ATP6V1E1: variants seen among roughly 807,000 people sequenced by gnomAD.
ATP6V1E1 encodes the protein V-type proton ATPase subunit E 1.
Under a neutral mutation model 35.2 loss-of-function variants are expected in ATP6V1E1, and 21 were observed. That is an observed-to-expected ratio of 0.60 (90% CI 0.42 to 0.86). ATP6V1E1 has a LOEUF of 0.86. Ranked by LOEUF, ATP6V1E1 falls within the 40% of genes least tolerant of loss-of-function variation. The probability of loss-of-function intolerance (pLI) is 0.00; values close to 1 mark genes in which losing one functional copy is unlikely to be tolerated. For missense variants in ATP6V1E1, 183 were observed against 272.6 expected, an observed-to-expected ratio of 0.67 and a Z score of 2.32; for synonymous variants, 83 against 87.8, an observed-to-expected ratio of 0.95 and a Z score of 0.30.
chr22:17,627,521 A>AT (rs1250349483), intron 1 of ATP6V1E1, among the ~76,000 whole-genome samples: 1 of 151,838 alleles, frequency 6.6e-6, no homozygotes, highest in Non-Finnish European at 1.5e-5. Context: ...CAAAATGAAG[A>AT]TTAACAGTAC....
At chr22:17,605,528 CTCAAAAAGAAAAA>C (rs1393378769) in intron 4 of ATP6V1E1, among the ~76,000 whole-genome samples, 1 of 151,912 alleles carries the variant, frequency 6.6e-6, no homozygotes, top group African/African-American at 2.4e-5. Context: ...GAAACTCCGT[CTCAAAAAGAAAAA>C]GAAAAAAGAA....
At chr22:17,617,507 T>A (rs2057852719) in intron 2 of ATP6V1E1, among the ~76,000 whole-genome samples, 3 of 152,118 alleles carry the variant, frequency 2.0e-5, no homozygotes, top group African/African-American at 7.2e-5. Flanking sequence ...TTGGCCAGGC[T>A]GGTCTTGAAC....
chr22:17,618,869 GC>G (rs1253083113), intron 2 of ATP6V1E1, among the ~76,000 whole-genome samples: 5 of 151,776 alleles, frequency 3.3e-5, no homozygotes, highest in Non-Finnish European at 7.4e-5. Flanking sequence ...GTGTGACGGT[GC>G]CTGCCTGTAG....
At chr22:17,621,361 G>A (rs560570593) in intron 1 of ATP6V1E1, among the ~76,000 whole-genome samples, 1 of 152,244 alleles carries the variant, frequency 6.6e-6, no homozygotes, top group Admixed American at 6.5e-5. Flanking sequence ...CCAGGCTAGA[G>A]TGCAATGGCA....
intron 2 of ATP6V1E1, 146 bp from the exon 3 acceptor site, chr22:17,613,466 A>G: frequency 1.4e-6 from 1 of 694,556 alleles, no homozygotes; most frequent in Non-Finnish European, 2.4e-6. Flanking sequence ...CAAGGATTCT[A>G]ATTTATTCAA....
intron 4 of ATP6V1E1, among the ~76,000 whole-genome samples, chr22:17,611,900 C>A (rs1293989131): frequency 6.6e-6 from 1 of 152,036 alleles, no homozygotes; most frequent in Non-Finnish European, 1.5e-5. Flanking sequence ...TTTTCAAGTT[C>A]TATATTTTTA....
In ATP6V1E1 at chr22:17,624,085, T is replaced by G. The variant is rs147800341; in HGVS notation, c.33+4518A>C. Among the ~76,000 whole-genome samples, 720 of 152,282 alleles carry G rather than the reference T, an allele frequency of 4.7e-3. 18 individuals carry two copies. Among genetic ancestry groups the G allele is most frequent in the Admixed American group, 0.042 (647 of 15,278 alleles). On this transcript the variant is annotated intron_variant, in intron 1 of 8. Coordinates refer to ENST00000253413, the MANE Select transcript of ATP6V1E1 (RefSeq NM_001696.4). ...GAAAAAAGCAAATATACACAAATAT[T>G]TTCATGCAATGGAGAAGTCAGAAAA...
At chr22:17,601,056 G>A in intron 5 of ATP6V1E1, 36 bp downstream of exon 5, 2 of 1,560,370 alleles carry the variant, frequency 1.3e-6, no homozygotes, top group Non-Finnish European at 1.8e-6. Flanking sequence ...TCTCAGAACT[G>A]TGGCTATCAA....
intron 4 of ATP6V1E1, among the ~76,000 whole-genome samples, chr22:17,610,984 T>C (rs1399464113): frequency 6.6e-6 from 1 of 152,132 alleles, no homozygotes; most frequent in Non-Finnish European, 1.5e-5. Flanking sequence ...ATACATAACA[T>C]AGATAATGAA....
chr22:17,596,207 A>C (rs2146294981), intron 7 of ATP6V1E1, among the ~76,000 whole-genome samples: 1 of 152,326 alleles, frequency 6.6e-6, no homozygotes, highest in East Asian at 1.9e-4. Context: ...AGATAAGGGA[A>C]TCAGGGCTCA....
intron 2 of ATP6V1E1, chr22:17,619,180 T>G: frequency 2.2e-6 from 1 of 464,850 alleles, no homozygotes; most frequent in Non-Finnish European, 4.0e-6. Flanking sequence ...TAATCTCAGC[T>G]ACTCGGGAGG....
Position 17,605,214 on chromosome 22 carries a change from AAAAAAAAAAG to A in ATP6V1E1, c.277-4043_277-4034del, listed in dbSNP as rs1208349442. ...GAGTGAGACTTCATCTCAAAAAAAA[AAAAAAAAAAG>A]AAAAGAAAAGAAAAGAAAACTTATG... On this transcript the variant is annotated intron_variant, in intron 4 of 8. Coordinates refer to ENST00000253413, the MANE Select transcript of ATP6V1E1 (RefSeq NM_001696.4). Among the ~76,000 whole-genome samples the A allele has an allele frequency of 3.2e-4, 47 of 148,076 alleles. 2 individuals are homozygous for A. The highest frequency in any genetic ancestry group is 1.1e-3 in the African/African-American group (45 of 39,860).
chr22:17,619,147 C>G (rs759245730), intron 2 of ATP6V1E1: 3 of 446,954 alleles, frequency 6.7e-6, no homozygotes, highest in South Asian at 5.3e-5. Flanking sequence ...CAAATATTAG[C>G]TGGGTTTGGT....
chr22:17,628,357 A>T (rs2057934860), intron 1 of ATP6V1E1, among the ~76,000 whole-genome samples: 1 of 152,240 alleles, frequency 6.6e-6, no homozygotes, highest in Non-Finnish European at 1.5e-5. Flanking sequence ...TGGGAGGCAA[A>T]GAGCCAGGGC....
intron 4 of ATP6V1E1, among the ~76,000 whole-genome samples, chr22:17,611,340 T>C (rs7287843): frequency 0.07 from 10,709 of 152,276 alleles, 1,262 homozygotes; most frequent in African/African-American, 0.24. Flanking sequence ...ACTAATCCCA[T>C]GTGGCAAGAT....
intron 7 of ATP6V1E1, among the ~76,000 whole-genome samples, chr22:17,596,413 G>A (rs1350887621): frequency 6.6e-6 from 1 of 152,070 alleles, no homozygotes; most frequent in African/African-American, 2.4e-5. Flanking sequence ...TGGTATGATA[G>A]GGAGTCTGGT....
chr22:17,627,391 A>C (rs1010716218), intron 1 of ATP6V1E1, among the ~76,000 whole-genome samples: 4 of 151,340 alleles, frequency 2.6e-5, no homozygotes, highest in African/African-American at 9.7e-5. Context: ...AGCCTCCCAA[A>C]GTGCTGGTAT....
chr22:17,624,135 A>T (rs1156420277), intron 1 of ATP6V1E1, among the ~76,000 whole-genome samples: 1 of 152,200 alleles, frequency 6.6e-6, no homozygotes, highest in East Asian at 1.9e-4. Flanking sequence ...AGCATCTACT[A>T]TGGGCTTGGT....
chr22:17,604,630 C>T (rs982512320), intron 4 of ATP6V1E1, among the ~76,000 whole-genome samples: 2 of 151,928 alleles, frequency 1.3e-5, no homozygotes, highest in Admixed American at 6.6e-5. Context: ...AGCGATTCTC[C>T]TGCCTCAGCC....
Sources: gnomAD v4.1 joint callset for allele counts (sites outside exome capture counted in the v4.1 genomes callset) on GRCh38, gnomAD v4.1.1 for gene constraint, MANE v1.5 for transcripts, NCBI Gene and HGNC (gene_info 2026-07-23, HGNC 2026-07-21) for gene names.